The following COL4A5 variants were observed in gnomAD, a reference collection of about 807,000 sequenced individuals.
COL4A5 encodes the protein collagen alpha-5(IV) chain.
Under a neutral mutation model 130.2 loss-of-function variants are expected in COL4A5, and 26 were observed. That is an observed-to-expected ratio of 0.20 (90% CI 0.15 to 0.28). The LOEUF (loss-of-function observed/expected upper bound fraction) is 0.28, where lower values mean the gene tolerates loss of function less well. Among genes scored for constraint, COL4A5 ranks in the 10% least tolerant of loss-of-function variants. The pLI is 1.00. For synonymous variants in COL4A5, 496 were observed against 439.6 expected, an observed-to-expected ratio of 1.13 and a Z score of -1.60; for missense variants, 1,131 against 1,344.3, an observed-to-expected ratio of 0.84 and a Z score of 2.48.
At position 108,591,586 on chromosome X, in the gene COL4A5, T is replaced by C. The variant is rs1483658224; in HGVS notation, c.1365T>C (p.Pro455=). The C allele has an allele frequency of 1.1e-5, 13 of 1,206,942 alleles. No homozygotes were observed. The highest frequency in any genetic ancestry group is 1.3e-5 in the Non-Finnish European group (12 of 892,564). ...GTGATGAGATATGTGAACCAGGCCCTCCAGGCCCCCCAGGATCTCCAGGTG... is the reference window on the plus strand; with the variant it reads ...GTGATGAGATATGTGAACCAGGCCCCCCAGGCCCCCCAGGATCTCCAGGTG... The part of the protein sequence containing the change: ...PPSDEICEPG[P]PGPPGSPGDK... The change falls in exon 21 of 53, where the codon CCT becomes CCC. Residue 455 remains proline (P), a synonymous_variant. Transcript: ENST00000328300.
At chrX:108,588,786 A>G (rs939323973) in intron 19 of COL4A5, among the ~76,000 whole-genome samples, 5 of 111,626 alleles carry the variant, frequency 4.5e-5, no homozygotes, top group Middle Eastern at 4.2e-3. Context: ...CAAAAGGCCA[A>G]TCACCTACAA....
chrX:108,561,954 T>G (rs908832452), intron 3 of COL4A5, among the ~76,000 whole-genome samples: 7 of 111,738 alleles, frequency 6.3e-5, no homozygotes, highest in African/African-American at 2.0e-4. Flanking sequence ...GTGCATACAA[T>G]TTTGGTGGAT....
chrX:108,455,169 T>G (rs2064572057), intron 1 of COL4A5, among the ~76,000 whole-genome samples: 1 of 111,962 alleles, frequency 8.9e-6, no homozygotes, highest in East Asian at 2.8e-4. Flanking sequence ...TTCTAGATTT[T>G]TATATAAATG....
intron 42 of COL4A5, among the ~76,000 whole-genome samples, chrX:108,672,386 G>T (rs2068223015): frequency 8.9e-6 from 1 of 111,732 alleles, no homozygotes; most frequent in Admixed American, 9.5e-5. Context: ...TCCTTTAAAA[G>T]AAATTTAACA....
At chrX:108,629,620 T>G (rs908481037) in intron 36 of COL4A5, among the ~76,000 whole-genome samples, 1 of 111,519 alleles carries the variant, frequency 9.0e-6, no homozygotes, top group African/African-American at 3.3e-5. Flanking sequence ...AAAAGCAGGT[T>G]TAGTGAGAAA....
chrX:108,660,333 C>T (rs2067929641), intron 37 of COL4A5, among the ~76,000 whole-genome samples: 1 of 111,365 alleles, frequency 9.0e-6, no homozygotes, highest in Admixed American at 9.6e-5. Context: ...TACATTTCTA[C>T]TCTTCTACCC....
intron 1 of COL4A5, among the ~76,000 whole-genome samples, chrX:108,529,438 A>G (rs2065357418): frequency 9.0e-6 from 1 of 111,621 alleles, no homozygotes; most frequent in Admixed American, 9.5e-5. Flanking sequence ...CGGTAACACT[A>G]TAGCAATCTA....
At chrX:108,689,573 T>G in intron 49 of COL4A5, 1 of 754,314 alleles carries the variant, frequency 1.3e-6, no homozygotes, top group Non-Finnish European at 1.6e-6. Flanking sequence ...GAGCCCAAGA[T>G]CCTAGGAATG....
At chrX:108,583,922 C>T (rs1280366346) in intron 17 of COL4A5, among the ~76,000 whole-genome samples, 1 of 109,225 alleles carries the variant, frequency 9.2e-6, no homozygotes. Flanking sequence ...CTTTCATTAG[C>T]TTCTAAGAGC....
intron 1 of COL4A5, among the ~76,000 whole-genome samples, chrX:108,536,260 T>G (rs1481715333): frequency 3.4e-5 from 3 of 88,620 alleles, no homozygotes; most frequent in African/African-American, 7.0e-5. Context: ...ATATAGTAGT[T>G]GTGTGTGTGT....
intron 1 of COL4A5, among the ~76,000 whole-genome samples, chrX:108,453,210 T>C (rs190296446): frequency 8.9e-6 from 1 of 111,815 alleles, no homozygotes; most frequent in African/African-American, 3.2e-5. Flanking sequence ...TAAAAAAAGC[T>C]AGTTGATAAA....
intron 1 of COL4A5, among the ~76,000 whole-genome samples, chrX:108,453,449 T>C (rs1262004260): frequency 8.9e-6 from 1 of 111,934 alleles, no homozygotes. Flanking sequence ...TTTTTTGTTT[T>C]GGAAAATATA....
chrX:108,676,620 T>A (rs1186855013), intron 43 of COL4A5, among the ~76,000 whole-genome samples: 2 of 112,597 alleles, frequency 1.8e-5, no homozygotes. Context: ...GAAAACATTT[T>A]AAAAATGAAT....
chrX:108,676,574 A>C (rs770904922), intron 43 of COL4A5, among the ~76,000 whole-genome samples: 1 of 112,401 alleles, frequency 8.9e-6, no homozygotes, highest in African/African-American at 3.2e-5. Flanking sequence ...AGAATTCTTT[A>C]TTTTTCTTGA....
At chrX:108,565,258 G>A (rs1014465579) in intron 4 of COL4A5, among the ~76,000 whole-genome samples, 1 of 111,120 alleles carries the variant, frequency 9.0e-6, no homozygotes, top group African/African-American at 3.3e-5. Context: ...TTCTTGACAC[G>A]CAGAATTTTG....
chrX:108,549,706 G>A (rs2065721254), intron 2 of COL4A5, among the ~76,000 whole-genome samples: 1 of 110,143 alleles, frequency 9.1e-6, no homozygotes, highest in African/African-American at 3.3e-5. Flanking sequence ...AAATTTAAGA[G>A]AATGAAGGAA....
intron 1 of COL4A5, among the ~76,000 whole-genome samples, chrX:108,496,844 T>G (rs1279399580): frequency 8.9e-6 from 1 of 112,021 alleles, no homozygotes; most frequent in Non-Finnish European, 1.9e-5. Flanking sequence ...ATTACAACTT[T>G]GTTTTTTGAT....
At chrX:108,491,517 G>A (rs935738735) in intron 1 of COL4A5, among the ~76,000 whole-genome samples, 1 of 111,245 alleles carries the variant, frequency 9.0e-6, no homozygotes, top group African/African-American at 3.3e-5. Context: ...TAAATAAACT[G>A]GCAAATACTC....
rs778775294 is a variant in COL4A5, at chrX:108,687,472, G to A, written c.4316-10G>A. Reference sequence around the variant, plus strand: ...CTTAATCTTGTATACTGATTATTTCGTGGAAATAGGTACCCGTGGTTTGGA... The same window carrying A: ...CTTAATCTTGTATACTGATTATTTCATGGAAATAGGTACCCGTGGTTTGGA... On this transcript the variant is annotated splice_polypyrimidine_tract_variant and intron_variant, in intron 48 of 52. Transcript: ENST00000328300. 1.0e-5 allele frequency: 12 copies of A among 1,199,584 alleles called. No homozygotes were observed. Among genetic ancestry groups the A allele is most frequent in the African/African-American group, 5.3e-5 (3 of 56,875 alleles).
Sources: gnomAD v4.1 joint callset for allele counts (sites outside exome capture counted in the v4.1 genomes callset) on GRCh38, gnomAD v4.1.1 for gene constraint, MANE v1.5 for transcripts, NCBI Gene and HGNC (gene_info 2026-07-23, HGNC 2026-07-21) for gene names.